Variants in SRD5A1 observed in about 807,000 individuals in gnomAD.
SRD5A1 encodes the protein steroid 5 alpha-reductase 1, also known as 3-oxo-5-alpha-steroid 4-dehydrogenase 1.
A neutral mutation model predicts 28.2 loss-of-function variants in SRD5A1; 22 were observed. The observed-to-expected ratio is 0.78, with a 90% CI of 0.56 to 1.12. The LOEUF (loss-of-function observed/expected upper bound fraction) is 1.12, where lower values mean the gene tolerates loss of function less well. SRD5A1 is among the 50% of genes most tolerant of loss of function. The pLI, the probability that SRD5A1 is intolerant of heterozygous loss-of-function variation, is 0.00. For synonymous variants in SRD5A1, 151 were observed against 135.0 expected (o/e 1.12, Z -0.82); for missense variants, 300 against 346.7 (o/e 0.87, Z 1.07).
At chr5:6,668,067 G>T in intron 4 of SRD5A1, 135 bp from the exon 5 acceptor site, 1 of 533,994 alleles carries the variant, frequency 1.9e-6, no homozygotes, top group Non-Finnish European at 3.3e-6. Context: ...CTATAAGTAT[G>T]AAATGCCAAA....
At position 6,633,824 on chromosome 5, in the gene SRD5A1, C is replaced by G. The variant is rs752174816; in HGVS notation, c.248C>G (p.Pro83Arg). 29 of 1,597,874 alleles carry G rather than the reference C, an allele frequency of 1.8e-5. No individual in the cohort carries two copies. The South Asian group carries it at 2.6e-4, about 15-fold the overall frequency. ...TCCGCCCCGCGTCTCCGCAGCGCGC[C>G]CAACTGCATCCTCCTGGCCATGTTC... ...SESAPRLRSA[P>R]NCILLAMFLV... Residue 83 changes from proline (P) to arginine (R), a missense_variant, in exon 1 of 5, where the codon CCC becomes CGC. Pro to Arg is a moderately radical substitution (Grantham distance 103). Transcript: ENST00000274192.
Position 6,673,869 on chromosome 5 carries a change from A to G in SRD5A1, c.*5601A>G, listed in dbSNP as rs1351231349. 6.6e-6 allele frequency: 1 copy of G among 152,236 alleles called. No homozygotes were observed. Among genetic ancestry groups the G allele is most frequent in the Non-Finnish European group, 1.5e-5 (1 of 68,038 alleles). The allele number at this position is 152,236 out of a possible 1,614,324, so 9.4% of individuals were successfully genotyped here. On this transcript the variant is annotated 3_prime_UTR_variant, in exon 5 of 5. Transcript: ENST00000274192. ...TGAAAAAAGCCAGTTTGCAAAGGCT[A>G]GATACTATATGATCCCAACTGTATA...
intron 3 of SRD5A1, among the ~76,000 whole-genome samples, chr5:6,660,020 A>C (rs1561003466): frequency 6.6e-6 from 1 of 152,164 alleles, no homozygotes; most frequent in African/African-American, 2.4e-5. Context: ...GGACTCTGTT[A>C]ATCATGGTGC....
At chr5:6,648,423 C>T (rs557730376) in intron 1 of SRD5A1, among the ~76,000 whole-genome samples, 15 of 152,300 alleles carry the variant, frequency 9.8e-5, no homozygotes, top group African/African-American at 2.6e-4. Context: ...AAGAGTCAAA[C>T]GTAGATTTGG....
chr5:6,669,004 G>A lies in SRD5A1; in HGVS notation c.*736G>A, dbSNP rs187778825. On this transcript the variant is annotated 3_prime_UTR_variant, in exon 5 of 5. Coordinates refer to ENST00000274192, the MANE Select transcript of SRD5A1 (RefSeq NM_001047.4). The stretch of plus-strand genomic sequence containing the variant: ...CTAAACAGGCACCTTTAGGCCATGG[G>A]TCACTCACCGTGAGCCATCAATGTG... The A allele has an allele frequency of 6.6e-6, 1 of 152,314 alleles. No individual in the cohort carries two copies. The highest frequency in any genetic ancestry group is 1.9e-4 in the East Asian group (1 of 5,184). The allele number at this position is 152,314 out of a possible 1,614,324, so 9.4% of individuals were successfully genotyped here. A position where few individuals can be genotyped will look rare whatever the true frequency, so the allele number is the denominator to read the frequency against.
intron 4 of SRD5A1, among the ~76,000 whole-genome samples, chr5:6,665,380 C>A (rs544481208): frequency 6.6e-6 from 1 of 152,236 alleles, no homozygotes; most frequent in South Asian, 2.1e-4. Flanking sequence ...GGAACTGATA[C>A]GCCAGCCTTC....
intron 1 of SRD5A1, among the ~76,000 whole-genome samples, chr5:6,647,628 T>C (rs1233788922): frequency 6.6e-6 from 1 of 152,242 alleles, no homozygotes; most frequent in Non-Finnish European, 1.5e-5. Flanking sequence ...TGGTAAATAT[T>C]CCTCTATCCC....
In SRD5A1 at chr5:6,639,524, G is replaced by A. The variant is rs146238766; in HGVS notation, c.293+5655G>A. Among the ~76,000 whole-genome samples the A allele has an allele frequency of 2.6e-4, 40 of 152,346 alleles. No homozygotes were observed. In the East Asian group the frequency reaches 7.7e-3, roughly 29 times the overall value. ...TGCCACCCCACAGCCCTCGCGGACA[G>A]TAAGAATGGACATGGAGGCAGCCCC... is the stretch of plus-strand genomic sequence containing the variant. On this transcript the variant is annotated intron_variant, in intron 1 of 4. Coordinates refer to ENST00000274192, the MANE Select transcript of SRD5A1 (RefSeq NM_001047.4).
At chr5:6,667,614 C>T (rs974267367) in intron 4 of SRD5A1, among the ~76,000 whole-genome samples, 8 of 152,210 alleles carry the variant, frequency 5.3e-5, no homozygotes, top group African/African-American at 1.4e-4. Context: ...CAAATGAGCA[C>T]GCCTGCATTG....
intron 4 of SRD5A1, among the ~76,000 whole-genome samples, chr5:6,664,134 C>T (rs8192225): frequency 6.6e-6 from 1 of 152,170 alleles, no homozygotes; most frequent in Admixed American, 6.5e-5. Context: ...GTCCCCTGAG[C>T]CACCCACTTC....
At chr5:6,634,518 T>C (rs2677931) in intron 1 of SRD5A1, among the ~76,000 whole-genome samples, 18,950 of 152,126 alleles carry the variant, frequency 0.12, 1,457 homozygotes, top group East Asian at 0.23. Flanking sequence ...TTGGTATCTT[T>C]GGTGATGGTG....
chr5:6,633,976 T>G (rs1300189443), intron 1 of SRD5A1, 107 bp downstream of exon 1: 3 of 1,230,972 alleles, frequency 2.4e-6, no homozygotes, highest in Non-Finnish European at 3.4e-6. Flanking sequence ...CCCACCCAGA[T>G]GCCCTCTCCC....
Position 6,633,744 on chromosome 5 carries a change from G to T in SRD5A1, c.168G>T (p.Trp56Cys). The change falls in exon 1 of 5, where the codon TGG becomes TGT. Residue 56 changes from tryptophan (W) to cysteine (C), a missense_variant. Trp to Cys is a radical substitution (Grantham distance 215). Transcript: ENST00000274192. ...TCCGAGTGCCGGCGCGGGCCGCCTG[G>T]GTGGTGCAGGAGCTGCCCTCGCTGG... The part of the protein sequence containing the change: ...HRLRVPARAA[W>C]VVQELPSLAL... The T allele has an allele frequency of 1.3e-6, 2 of 1,596,110 alleles. No homozygotes were observed. Among genetic ancestry groups the T allele is most frequent in the South Asian group, 2.2e-5 (2 of 90,936 alleles).
intron 1 of SRD5A1, among the ~76,000 whole-genome samples, chr5:6,643,148 C>T (rs973862331): frequency 7.2e-5 from 11 of 152,164 alleles, no homozygotes; most frequent in East Asian, 5.8e-4. Context: ...ATATTCTCAC[C>T]GGTAGTTGTT....
At chr5:6,650,969 C>T (rs929927800) in intron 1 of SRD5A1, among the ~76,000 whole-genome samples, 2 of 152,068 alleles carry the variant, frequency 1.3e-5, no homozygotes, top group East Asian at 3.9e-4. Flanking sequence ...CATTTAAGCT[C>T]AGCCACTCAC....
intron 3 of SRD5A1, among the ~76,000 whole-genome samples, chr5:6,660,876 G>A (rs115632126): frequency 0.023 from 3,436 of 152,328 alleles, 46 homozygotes; most frequent in Non-Finnish European, 0.036. Flanking sequence ...ATGGCAGAAG[G>A]CAAAGGGGAA....
At chr5:6,665,553 C>G (rs1011731444) in intron 4 of SRD5A1, among the ~76,000 whole-genome samples, 2 of 152,178 alleles carry the variant, frequency 1.3e-5, no homozygotes, top group Non-Finnish European at 1.5e-5. Context: ...CCTCTGCGCC[C>G]GCTGCTCCCA....
intron 1 of SRD5A1, among the ~76,000 whole-genome samples, chr5:6,635,726 A>G (rs500058): frequency 0.17 from 25,631 of 152,256 alleles, 2,368 homozygotes; most frequent in East Asian, 0.23. Flanking sequence ...TGCCAGCCTC[A>G]TGTGCCAGCA....
intron 2 of SRD5A1, among the ~76,000 whole-genome samples, chr5:6,654,662 G>T (rs996617212): frequency 6.6e-6 from 1 of 151,546 alleles, no homozygotes; most frequent in African/African-American, 2.4e-5. Flanking sequence ...TGAACCCCTG[G>T]CCTGAAGTGA....
Sources: allele counts gnomAD v4.1 joint callset (sites outside exome capture counted in the v4.1 genomes callset), GRCh38; gene constraint gnomAD v4.1.1; transcripts MANE v1.5; gene names NCBI Gene and HGNC (gene_info 2026-07-23, HGNC 2026-07-21).